The following NKD2 variants were observed in gnomAD, a reference collection of about 807,000 sequenced individuals.
NKD2 encodes the protein protein naked cuticle homolog 2.
A neutral mutation model predicts 34.8 loss-of-function variants in NKD2; 43 were observed. The ratio of observed to expected loss-of-function variants is 1.24; its 90% CI spans 0.97 to 1.60. The LOEUF (loss-of-function observed/expected upper bound fraction) is 1.60. Ranked by LOEUF, NKD2 falls within the 40% of genes most tolerant of loss-of-function variation. The probability of loss-of-function intolerance (pLI) is 0.00; values close to 1 mark genes in which losing one functional copy is unlikely to be tolerated. For missense variants in NKD2, 675 were observed against 627.1 expected (o/e 1.08, Z -0.82); for synonymous variants, 278 against 265.1 (o/e 1.05, Z -0.47).
In NKD2 at chr5:1,009,108, A is replaced by AGGGCGGGCGGGCGGGC. The variant is rs577163729; in HGVS notation, c.25+28_25+43dup. On this transcript the variant is annotated intron_variant, in intron 1 of 9. Coordinates refer to ENST00000296849, the MANE Select transcript of NKD2 (RefSeq NM_033120.4). This position sits in a 1 kb window ranked among gnomAD's most constrained non-coding sequence, Gnocchi z 6.9. Reference sequence around the variant, plus strand: ...GTGAGCCGCGGGCCGGTAGGGCGGGAGGGCGGGCGGGCGGGCGTGGGGCCG... The same window carrying AGGGCGGGCGGGCGGGC: ...GTGAGCCGCGGGCCGGTAGGGCGGGAGGGCGGGCGGGCGGGCGGGCGGGCGGGCGGGCGTGGGGCCG... The AGGGCGGGCGGGCGGGC allele has an allele frequency of 2.8e-4, 37 of 130,998 alleles. No individual in the cohort carries two copies. Among genetic ancestry groups the AGGGCGGGCGGGCGGGC allele is most frequent in the East Asian group, 4.8e-4 (3 of 6,222 alleles). 8.1% of individuals were successfully genotyped at this position (130,998 alleles called of 1,614,324 possible).
chr5:1,033,299 G>A (rs117971540), intron 4 of NKD2, 73 bp from the exon 5 acceptor site: 17,535 of 1,396,664 alleles, frequency 0.013, 182 homozygotes, highest in East Asian at 0.048. Flanking sequence ...GGAGAGCAGC[G>A]AGGGTCCCCA....
At chr5:1,034,112 T>G (rs943447909) in intron 5 of NKD2, 123 bp from the exon 6 acceptor site, 2 of 690,712 alleles carry the variant, frequency 2.9e-6, no homozygotes, top group African/African-American at 3.6e-5. Context: ...CCCTCTAGGC[T>G]CCGCCTTTCC....
At chr5:1,027,647 C>T (rs1756474365) in intron 3 of NKD2, among the ~76,000 whole-genome samples, 1 of 152,228 alleles carries the variant, frequency 6.6e-6, no homozygotes, top group Admixed American at 6.5e-5. Flanking sequence ...GAACCCTAGA[C>T]CAGGGTTTAG....
At position 1,009,866 on chromosome 5, in the gene NKD2, G is replaced by A. The variant is rs897622091; in HGVS notation, c.141+306G>A. Among the ~76,000 whole-genome samples, 1 of 152,152 alleles carries A rather than the reference G, an allele frequency of 6.6e-6. No homozygotes were observed. Among genetic ancestry groups the A allele is most frequent in the Non-Finnish European group, 1.5e-5 (1 of 68,028 alleles). On this transcript the variant is annotated intron_variant, in intron 3 of 9. Transcript: ENST00000296849. This position sits in a 1 kb window ranked among gnomAD's most constrained non-coding sequence, Gnocchi z 6.9. ...GGCTGGAGGAGCTGGGCGAGTGGGA[G>A]GGGCTGGACCTAGACGTCCCGGGCT...
chr5:1,025,749 C>T (rs71593384), intron 3 of NKD2, among the ~76,000 whole-genome samples: 6,898 of 31,848 alleles, frequency 0.22, no homozygotes, highest in Non-Finnish European at 0.35. Flanking sequence ...CCGCTGTGGG[C>T]GTCTCAGCCC....
At position 1,031,407 on chromosome 5, in the gene NKD2, C is replaced by T. The variant is rs376461634; in HGVS notation, c.142-745C>T. On this transcript the variant is annotated intron_variant, in intron 3 of 9. Transcript: ENST00000296849. ...GTATCTCCTTGTGGGCTTTCCACGG[C>T]TTTCCAGGGACCTGGAATCAGAAGC... Among the ~76,000 whole-genome samples, 35 of 152,286 alleles carry T rather than the reference C, an allele frequency of 2.3e-4. 2 individuals are homozygous for T. The highest frequency in any genetic ancestry group is 7.2e-4 in the African/African-American group (30 of 41,554).
chr5:1,012,389 G>C (rs1409011832), intron 3 of NKD2, among the ~76,000 whole-genome samples: 1 of 152,266 alleles, frequency 6.6e-6, no homozygotes, highest in Admixed American at 6.5e-5. Context: ...TCTGCAGGAG[G>C]CAGCAGGCAC....
intron 8 of NKD2, chr5:1,036,022 G>T: frequency 1.0e-6 from 1 of 956,066 alleles, no homozygotes; most frequent in Admixed American, 3.7e-5. Flanking sequence ...AGCACCTGCG[G>T]CTCTGGTGCC....
intron 3 of NKD2, among the ~76,000 whole-genome samples, chr5:1,019,069 A>C (rs1280965797): frequency 6.6e-6 from 1 of 152,108 alleles, no homozygotes; most frequent in Non-Finnish European, 1.5e-5. Flanking sequence ...CCTTCCCGCT[A>C]TCCCTGTGGC....
At chr5:1,013,246 C>T (rs574205132) in intron 3 of NKD2, among the ~76,000 whole-genome samples, 25 of 152,330 alleles carry the variant, frequency 1.6e-4, no homozygotes, top group African/African-American at 5.8e-4. Flanking sequence ...ACTCATGTTC[C>T]GGGACCCTGT....
In NKD2 at chr5:1,029,066, C is replaced by T. The variant is rs144574132; in HGVS notation, c.142-3086C>T. ...TTGGCCTTCTAGTTAACCGAGGCAG[C>T]GTAGATTAAAGGGCAGTTTTATGCA... On this transcript the variant is annotated intron_variant, in intron 3 of 9. Transcript: ENST00000296849. Among the ~76,000 whole-genome samples the T allele has an allele frequency of 5.3e-5, 8 of 152,268 alleles. 1 individual carries two copies. In the East Asian group the frequency reaches 7.7e-4, roughly 15 times the overall value.
chr5:1,015,838 C>A (rs1200434461), intron 3 of NKD2, among the ~76,000 whole-genome samples: 1 of 152,202 alleles, frequency 6.6e-6, no homozygotes, highest in African/African-American at 2.4e-5. Context: ...CAGGTCTTAC[C>A]AGCCGTGGCC....
rs915859809 is a variant in NKD2 at position 1,037,965 on chromosome 5, C to T, written c.948C>T (p.Ala316=). The change falls in exon 10 of 10, where the codon GCC becomes GCT. Residue 316 remains alanine (A), a synonymous_variant. Coordinates refer to ENST00000296849, the MANE Select transcript of NKD2 (RefSeq NM_033120.4). Reference sequence around the variant, plus strand: ...CAGCCTCGGAGCCTGCTGCCCGGGCCCTGGACACGCAGCCCCGGCCGAAGG... The same window carrying T: ...CAGCCTCGGAGCCTGCTGCCCGGGCTCTGGACACGCAGCCCCGGCCGAAGG... ...VVPASEPAAR[A]LDTQPRPKGP... 7 of 1,605,842 alleles carry T rather than the reference C, an allele frequency of 4.4e-6. No individual in the cohort carries two copies. Among genetic ancestry groups the T allele is most frequent in the Non-Finnish European group, 5.9e-6 (7 of 1,177,964 alleles).
Position 1,009,519 on chromosome 5 carries a change from A to G in NKD2, c.100A>G (p.Lys34Glu). The change falls in exon 3 of 10, where the codon AAA (lysine) becomes GAA (glutamate). Residue 34 changes from lysine (K) to glutamate (E), a missense_variant. Transcript: ENST00000296849. This position sits in a 1 kb window ranked among gnomAD's most constrained non-coding sequence, Gnocchi z 6.9. ...GGCGTCCGCGTACGCGAGCGGCCGC[A>G]AAGGCGCGGAGGAAGCGGAGCGGCG... ...FVASAYASGR[K>E]GAEEAERRAR... The G allele has an allele frequency of 1.3e-6, 2 of 1,496,824 alleles. No homozygotes were observed. Among genetic ancestry groups the G allele is most frequent in the Non-Finnish European group, 8.8e-7 (1 of 1,131,856 alleles). 92.7% of individuals were successfully genotyped at this position (1,496,824 alleles called of 1,614,324 possible).
chr5:1,026,952 A>C (rs903905228), intron 3 of NKD2, among the ~76,000 whole-genome samples: 2 of 152,218 alleles, frequency 1.3e-5, no homozygotes, highest in African/African-American at 4.8e-5. Context: ...ATGCCACGAC[A>C]GCCCCGTAAT....
chr5:1,017,912 G>GC (rs1022310525), intron 3 of NKD2, among the ~76,000 whole-genome samples: 3 of 151,670 alleles, frequency 2.0e-5, no homozygotes, highest in Admixed American at 6.6e-5. Context: ...GAGCTGGGGT[G>GC]CAGGGCCTGT....
Position 1,037,870 on chromosome 5 carries a change from C to G in NKD2, c.853C>G (p.Arg285Gly), listed in dbSNP as rs201221334. The G allele has an allele frequency of 6.2e-7, 1 of 1,603,216 alleles. No homozygotes were observed. Among genetic ancestry groups the G allele is most frequent in the Non-Finnish European group, 8.5e-7 (1 of 1,178,408 alleles). ...GGCCTCGCACCTCCAGGCCCGGTCC[C>G]GCTCCCAGGAGCCAGATACACATGC... Reference protein sequence around the residue: ...GRASHLQARSRSQEPDTHAVH... With the variant: ...GRASHLQARSGSQEPDTHAVH... The change falls in exon 10 of 10, where the codon CGC becomes GGC. Residue 285 changes from arginine to glycine, a missense_variant. Transcript: ENST00000296849.
At position 1,037,046 on chromosome 5, in the gene NKD2, C is replaced by T. The variant is rs370539564; in HGVS notation, c.787+662C>T. ...GTGGATGGCAGGCAGGCAGTGTGGA[C>T]GGCGGGCAGTGTGGATGGCAGCCAG... is the stretch of plus-strand genomic sequence containing the variant. On this transcript the variant is annotated intron_variant, in intron 9 of 9. Transcript: ENST00000296849. 2.7e-3 allele frequency: 889 copies of T among 329,480 alleles called. 20 individuals carry two copies. Among genetic ancestry groups the T allele is most frequent in the African/African-American group, 0.02 (743 of 36,370 alleles). 20.4% of individuals were successfully genotyped at this position (329,480 alleles called of 1,614,324 possible).
At position 1,038,648 on chromosome 5, in the gene NKD2, CTG is replaced by C. The variant is rs1397875624; in HGVS notation, c.*279_*280del. On this transcript the variant is annotated 3_prime_UTR_variant, in exon 10 of 10. Transcript: ENST00000296849. The surrounding 1 kb of genome is among the most constrained non-coding windows in gnomAD (Gnocchi z 4.5). ...TATGTTTCCTGGCTCTAAGGCTCGTCTGTGTAACCCATAAAACCTGCTTTGAT... is the reference window on the plus strand; with the variant it reads ...TATGTTTCCTGGCTCTAAGGCTCGTCTGTAACCCATAAAACCTGCTTTGAT... 2 of 669,692 alleles carry C rather than the reference CTG, an allele frequency of 3.0e-6. No individual in the cohort carries two copies. The highest frequency in any genetic ancestry group is 5.2e-6 in the Non-Finnish European group (2 of 382,100). 41.5% of individuals were successfully genotyped at this position (669,692 alleles called of 1,614,324 possible).
Sources: gnomAD v4.1 joint callset for allele counts (sites outside exome capture counted in the v4.1 genomes callset) on GRCh38, gnomAD v4.1.1 for gene constraint, Gnocchi (gnomAD v3.1) non-coding constraint, MANE v1.5 for transcripts, NCBI Gene and HGNC (gene_info 2026-07-23, HGNC 2026-07-21) for gene names.